PRKN: variants seen among roughly 807,000 people sequenced by gnomAD.
PRKN encodes parkin RBR E3 ubiquitin protein ligase, also known as E3 ubiquitin-protein ligase parkin.
A neutral mutation model predicts 59.5 loss-of-function variants in PRKN; 56 were observed. That is an observed-to-expected ratio of 0.94 (90% CI 0.76 to 1.18). The LOEUF (loss-of-function observed/expected upper bound fraction) is 1.18. Ranked by LOEUF, PRKN falls within the 50% of genes most tolerant of loss-of-function variation. PRKN has a pLI of 0.00. For synonymous variants in PRKN, 250 were observed against 222.1 expected (o/e 1.13, Z -1.12); for missense variants, 657 against 596.4 (o/e 1.10, Z -1.06).
chr6:161,706,319 C>T (rs372445139), intron 7 of PRKN, among the ~76,000 whole-genome samples: 3 of 152,204 alleles, frequency 2.0e-5, no homozygotes, highest in Admixed American at 2.0e-4. Context: ...CAGGACCTAG[C>T]TCAGGAGTCA....
intron 7 of PRKN, among the ~76,000 whole-genome samples, chr6:161,749,302 C>CAT (rs552197604): frequency 1.6e-4 from 25 of 152,126 alleles, no homozygotes; most frequent in Non-Finnish European, 2.9e-4. Context: ...GTGCTGAGTA[C>CAT]ATATATATAC....
At chr6:161,506,015 T>C (rs1778154951) in intron 9 of PRKN, among the ~76,000 whole-genome samples, 1 of 151,926 alleles carries the variant, frequency 6.6e-6, no homozygotes, top group South Asian at 2.1e-4. Context: ...GCGGGTTCTT[T>C]TTTGGTTCCA....
At chr6:162,118,321 T>A (rs1315913494) in intron 4 of PRKN, among the ~76,000 whole-genome samples, 1 of 151,620 alleles carries the variant, frequency 6.6e-6, no homozygotes, top group East Asian at 2.0e-4. Context: ...AGGAGAATGG[T>A]TGTGAAGCCG....
chr6:162,436,543 C>T (rs1458821615), intron 2 of PRKN, among the ~76,000 whole-genome samples: 1 of 151,832 alleles, frequency 6.6e-6, no homozygotes, highest in African/African-American at 2.4e-5. Context: ...AACTCCTGAC[C>T]TCGTGATCTG....
rs1365456902 is a variant in PRKN, at chr6:161,466,893, A to G, written c.1084-80016T>C. ...TGGGACAGTCACACGAAGTTAGTTA[A>G]TGAGGGATTTTTATTCTTTTGTTTC... is the stretch of plus-strand genomic sequence containing the variant. On this transcript the variant is annotated intron_variant, in intron 9 of 11. Coordinates refer to ENST00000366898, the MANE Select transcript of PRKN (RefSeq NM_004562.3). This position sits in a 1 kb window ranked among gnomAD's most constrained non-coding sequence, Gnocchi z 5.0. Among the ~76,000 whole-genome samples the G allele has an allele frequency of 6.6e-6, 1 of 152,230 alleles. No individual in the cohort carries two copies. Among genetic ancestry groups the G allele is most frequent in the African/African-American group, 2.4e-5 (1 of 41,464 alleles).
At chr6:162,510,924 AAAAC>A (rs757815695) in intron 1 of PRKN, among the ~76,000 whole-genome samples, 8 of 150,644 alleles carry the variant, frequency 5.3e-5, no homozygotes, top group Admixed American at 2.0e-4. Context: ...CTCAGTCTCA[AAAAC>A]AAACAAACAA....
In PRKN at chr6:161,391,214, A is replaced by T. The variant is rs1786490172; in HGVS notation, c.1084-4337T>A. On this transcript the variant is annotated intron_variant, in intron 9 of 11. Coordinates refer to ENST00000366898, the MANE Select transcript of PRKN (RefSeq NM_004562.3). The surrounding 1 kb of genome is among the most constrained non-coding windows in gnomAD (Gnocchi z 4.9). ...ATCCTTCTTTAACCAACCATGTAGA[A>T]GGCTGAAATTTACCCAGGGATTTGC... Among the ~76,000 whole-genome samples the T allele has an allele frequency of 6.6e-6, 1 of 152,112 alleles. No homozygotes were observed. The highest frequency in any genetic ancestry group is 1.5e-5 in the Non-Finnish European group (1 of 68,030).
At chr6:162,370,731 T>C (rs1029473533) in intron 2 of PRKN, among the ~76,000 whole-genome samples, 5 of 152,176 alleles carry the variant, frequency 3.3e-5, no homozygotes, top group African/African-American at 9.7e-5. Flanking sequence ...TAGCAACTAA[T>C]TGAGTTATCA....
chr6:162,425,914 G>C (rs982095169), intron 2 of PRKN, among the ~76,000 whole-genome samples: 8 of 152,162 alleles, frequency 5.3e-5, no homozygotes, highest in Non-Finnish European at 1.2e-4. Context: ...AAAGCTGAAC[G>C]CATGGATGTG....
At chr6:161,942,143 A>G (rs1314394333) in intron 6 of PRKN, among the ~76,000 whole-genome samples, 1 of 152,154 alleles carries the variant, frequency 6.6e-6, no homozygotes, top group Non-Finnish European at 1.5e-5. Context: ...AAATTGCAGA[A>G]CATTTTACTT....
chr6:162,689,367 G>GA (rs144904698), intron 1 of PRKN, among the ~76,000 whole-genome samples: 7,449 of 148,404 alleles, frequency 0.05, 594 homozygotes, highest in African/African-American at 0.17. Context: ...ACTACTATAG[G>GA]AAAAAAAAAA....
At chr6:162,549,921 G>A (rs1309483368) in intron 1 of PRKN, among the ~76,000 whole-genome samples, 1 of 152,120 alleles carries the variant, frequency 6.6e-6, no homozygotes, top group Admixed American at 6.6e-5. Flanking sequence ...GCAGGCGTGA[G>A]CCACCGCACC....
At chr6:162,349,316 A>C (rs1784529544) in intron 2 of PRKN, among the ~76,000 whole-genome samples, 1 of 152,134 alleles carries the variant, frequency 6.6e-6, no homozygotes, top group Admixed American at 6.5e-5. Flanking sequence ...AAATACAAAA[A>C]TTAGCCAGGC....
chr6:161,836,577 C>T (rs1792765375), intron 6 of PRKN, among the ~76,000 whole-genome samples: 2 of 152,306 alleles, frequency 1.3e-5, no homozygotes, highest in South Asian at 4.1e-4. Context: ...CATTATTCTA[C>T]ACTGTGATTT....
chr6:161,718,180 G>A (rs1045010084), intron 7 of PRKN, among the ~76,000 whole-genome samples: 4 of 152,114 alleles, frequency 2.6e-5, no homozygotes, highest in Non-Finnish European at 4.4e-5. Flanking sequence ...TTTCTTAAAT[G>A]AGAAAACGGA....
intron 2 of PRKN, among the ~76,000 whole-genome samples, chr6:162,407,749 C>T (rs961864053): frequency 6.6e-6 from 1 of 150,496 alleles, no homozygotes; most frequent in Non-Finnish European, 1.5e-5. Context: ...AAATAGATGG[C>T]ATTATTATTA....
intron 9 of PRKN, among the ~76,000 whole-genome samples, chr6:161,511,064 A>T (rs1283108035): frequency 6.6e-6 from 1 of 152,238 alleles, no homozygotes; most frequent in Non-Finnish European, 1.5e-5. Context: ...ATGGACTCAA[A>T]CTATAACAAA....
chr6:162,228,970 C>T (rs1562597045), intron 3 of PRKN, among the ~76,000 whole-genome samples: 1 of 152,166 alleles, frequency 6.6e-6, no homozygotes, highest in Non-Finnish European at 1.5e-5. Context: ...TTTTGTACAC[C>T]TCTAAATGAT....
intron 1 of PRKN, among the ~76,000 whole-genome samples, chr6:162,464,010 A>G (rs1791296330): frequency 1.3e-5 from 2 of 152,190 alleles, no homozygotes; most frequent in Non-Finnish European, 2.9e-5. Flanking sequence ...TCTTTATTTT[A>G]TTTTAATCAA....
Sources: allele counts gnomAD v4.1 joint callset (sites outside exome capture counted in the v4.1 genomes callset), GRCh38; gene constraint gnomAD v4.1.1; non-coding constraint Gnocchi (gnomAD v3.1); transcripts MANE v1.5; gene names NCBI Gene and HGNC (gene_info 2026-07-23, HGNC 2026-07-21).